TBPL1: variants seen among roughly 807,000 people sequenced by gnomAD.
TBPL1 encodes the protein TATA box-binding protein-like 1.
A neutral mutation model predicts 22.1 loss-of-function variants in TBPL1; 4 were observed. The observed-to-expected ratio is 0.18, with a 90% CI of 0.09 to 0.41. TBPL1 has a LOEUF of 0.41. Among genes scored for constraint, TBPL1 ranks in the 10% least tolerant of loss-of-function variants. The pLI is 1.00. For synonymous variants in TBPL1, 64 were observed against 71.0 expected (o/e 0.90, Z 0.50); for missense variants, 115 against 222.3 (o/e 0.52, Z 3.07).
At position 133,987,840 on chromosome 6, in the gene TBPL1, T is replaced by C. The variant is rs1776560622; in HGVS notation, c.*800T>C. ...GCTAATTTAATATGATAGAAAATGT[T>C]AAATAACTTGTAAAGGTTAAGAAAT... On this transcript the variant is annotated 3_prime_UTR_variant, in exon 7 of 7. Transcript: ENST00000237264. 2 of 152,570 alleles carry C rather than the reference T, an allele frequency of 1.3e-5. No individual in the cohort carries two copies. The highest frequency in any genetic ancestry group is 4.8e-5 in the African/African-American group (2 of 41,446). 9.5% of individuals were successfully genotyped at this position (152,570 alleles called of 1,614,324 possible).
chr6:133,979,978 AAAAT>A, intron 1 of TBPL1, 100 bp from the exon 2 acceptor site: 2 of 938,732 alleles, frequency 2.1e-6, no homozygotes, highest in Non-Finnish European at 2.9e-6. Flanking sequence ...TAACATTTGA[AAAAT>A]AAATAATATA....
Position 133,980,305 on chromosome 6 carries a change from A to G in TBPL1, c.135+45A>G, listed in dbSNP as rs200657837. 3.2e-6 allele frequency: 5 copies of G among 1,547,718 alleles called. No individual in the cohort carries two copies. The East Asian group carries it at 1.2e-4, about 36-fold the overall frequency. ...TATTTGTACTACATAGCCTAATTTTATAGTTCTATGACTAATACTAAAATG... is the reference window on the plus strand; with the variant it reads ...TATTTGTACTACATAGCCTAATTTTGTAGTTCTATGACTAATACTAAAATG... On this transcript the variant is annotated intron_variant, in intron 2 of 6. Coordinates refer to ENST00000237264, the MANE Select transcript of TBPL1 (RefSeq NM_004865.4).
At chr6:133,959,820 A>G (rs1583808480) in intron 1 of TBPL1, among the ~76,000 whole-genome samples, 1 of 152,236 alleles carries the variant, frequency 6.6e-6, no homozygotes, top group African/African-American at 2.4e-5. Flanking sequence ...TTTCAGGGAC[A>G]GATGTTGCTG....
At chr6:133,962,965 A>G (rs1776050038) in intron 1 of TBPL1, among the ~76,000 whole-genome samples, 2 of 152,228 alleles carry the variant, frequency 1.3e-5, no homozygotes, top group African/African-American at 2.4e-5. Context: ...ATCCAGGGAT[A>G]GGACATGGCA....
At chr6:133,959,024 C>T (rs138338195) in intron 1 of TBPL1, among the ~76,000 whole-genome samples, 16 of 152,054 alleles carry the variant, frequency 1.1e-4, no homozygotes, top group Non-Finnish European at 2.1e-4. Context: ...TTTAGATACC[C>T]TGAGGACTGT....
At chr6:133,983,365 G>A (rs1776449917) in intron 4 of TBPL1, among the ~76,000 whole-genome samples, 1 of 152,178 alleles carries the variant, frequency 6.6e-6, no homozygotes, top group Non-Finnish European at 1.5e-5. Context: ...ACATATTATG[G>A]ACTTGCTAGG....
chr6:133,969,437 A>C (rs527899060), intron 1 of TBPL1, among the ~76,000 whole-genome samples: 1 of 152,082 alleles, frequency 6.6e-6, no homozygotes, highest in African/African-American at 2.4e-5. Flanking sequence ...GAATATCTAG[A>C]TTGAGTCTCA....
intron 1 of TBPL1, among the ~76,000 whole-genome samples, chr6:133,972,894 G>T (rs1192532895): frequency 2.0e-5 from 3 of 152,084 alleles, no homozygotes; most frequent in Non-Finnish European, 4.4e-5. Flanking sequence ...GGTACAGGTG[G>T]TATTATCACC....
chr6:133,975,081 A>G (rs920292923), intron 1 of TBPL1, among the ~76,000 whole-genome samples: 1 of 152,174 alleles, frequency 6.6e-6, no homozygotes, highest in African/African-American at 2.4e-5. Flanking sequence ...AAATCTGTGG[A>G]AGGAAGGAAA....
intron 1 of TBPL1, among the ~76,000 whole-genome samples, chr6:133,966,067 A>G (rs973362043): frequency 6.6e-6 from 1 of 152,152 alleles, no homozygotes; most frequent in Non-Finnish European, 1.5e-5. Context: ...AACTTCAGAG[A>G]CAGAGAGAGA....
rs928910051 is a variant in TBPL1, at chr6:133,977,451, T to C, written c.-44-2631T>C. ...TTTTTTCTTGACTTAGTTTTACTTA[T>C]ATTGTCCTTAGTGTTGTCCCCTCAG... is the stretch of plus-strand genomic sequence containing the variant. On this transcript the variant is annotated intron_variant, in intron 1 of 6. Transcript: ENST00000237264. 7.2e-5 allele frequency among the ~76,000 whole-genome samples: 11 copies of C among 152,328 alleles called. No homozygotes were observed. In the East Asian group the frequency reaches 7.7e-4, roughly 11 times the overall value.
intron 1 of TBPL1, chr6:133,969,002 C>T (rs186713269): frequency 1.1e-3 from 165 of 152,210 alleles, no homozygotes; most frequent in African/African-American, 3.7e-3. Flanking sequence ...TTTTAGTATT[C>T]GTCGAAACAG....
At chr6:133,978,835 A>T (rs1776359755) in intron 1 of TBPL1, among the ~76,000 whole-genome samples, 1 of 152,188 alleles carries the variant, frequency 6.6e-6, no homozygotes, top group Non-Finnish European at 1.5e-5. Flanking sequence ...TAGTTATATA[A>T]TAATTTGAAT....
chr6:133,963,785 C>T (rs1172984960), intron 1 of TBPL1, among the ~76,000 whole-genome samples: 1 of 151,490 alleles, frequency 6.6e-6, no homozygotes, highest in Non-Finnish European at 1.5e-5. Context: ...AATCCCAGCA[C>T]TTTGGGAGGC....
intron 1 of TBPL1, among the ~76,000 whole-genome samples, chr6:133,971,918 A>G (rs1332532227): frequency 6.6e-6 from 1 of 152,140 alleles, no homozygotes; most frequent in Admixed American, 6.5e-5. Context: ...GGGCTGTGCA[A>G]AAGCTTTTTA....
At position 133,980,254 on chromosome 6, in the gene TBPL1, T is replaced by C; in HGVS notation, c.129T>C (p.Asp43=). ...GAGCAAATGTAATTTATAAACGTGATGTTGGAGTAAGTATCTGAGTTTTCG... is the reference window on the plus strand; with the variant it reads ...GAGCAAATGTAATTTATAAACGTGACGTTGGAGTAAGTATCTGAGTTTTCG... ...LEGANVIYKR[D]VGKVLMKLRK... is the part of the protein sequence containing the mutation. Residue 43 remains aspartate (D), a synonymous_variant, in exon 2 of 7, where the codon GAT becomes GAC. Coordinates refer to ENST00000237264, the MANE Select transcript of TBPL1 (RefSeq NM_004865.4). The C allele has an allele frequency of 1.2e-6, 2 of 1,604,718 alleles. No individual in the cohort carries two copies. The highest frequency in any genetic ancestry group is 1.7e-6 in the Non-Finnish European group (2 of 1,176,882).
At chr6:133,955,043 T>G (rs1303241613) in intron 1 of TBPL1, among the ~76,000 whole-genome samples, 1 of 152,054 alleles carries the variant, frequency 6.6e-6, no homozygotes, top group Non-Finnish European at 1.5e-5. Context: ...TTTAAGACAT[T>G]AAGAAGAAAA....
Position 133,987,646 on chromosome 6 carries a change from G to GTATATATATATATATATA in TBPL1, c.*607_*608insATATATATATATATATAT, listed in dbSNP as rs1165164380. ...ATTTTGTGTGTGTGTGTGTGTGTGT[G>GTATATATATATATATATA]TGTATATATATATATATATATGCAC... On this transcript the variant is annotated 3_prime_UTR_variant, in exon 7 of 7. Coordinates refer to ENST00000237264, the MANE Select transcript of TBPL1 (RefSeq NM_004865.4). 7.5e-6 allele frequency: 1 copy of GTATATATATATATATATA among 133,214 alleles called. No homozygotes were observed. Among genetic ancestry groups the GTATATATATATATATATA allele is most frequent in the African/African-American group, 2.8e-5 (1 of 36,116 alleles). The allele number at this position is 133,214 out of a possible 1,614,324, so 8.3% of individuals were successfully genotyped here. A position where few individuals can be genotyped will look rare whatever the true frequency, so the allele number is the denominator to read the frequency against.
rs1271775489 is a variant in TBPL1, at chr6:133,985,292, AAAAAAATATATATATATATATATAT to A, written c.481+623_481+647del. ...GACTCTGTCTAAAAAAAAAAAAAAA[AAAAAAATATATATATATATATATAT>A]ATATATATATATATATATATACACA... On this transcript the variant is annotated intron_variant, in intron 6 of 6. Coordinates refer to ENST00000237264, the MANE Select transcript of TBPL1 (RefSeq NM_004865.4). 7.7e-4 allele frequency among the ~76,000 whole-genome samples: 52 copies of A among 67,256 alleles called. 11 individuals are homozygous for A. Among genetic ancestry groups the A allele is most frequent in the Non-Finnish European group, 1.4e-3 (45 of 32,750 alleles). The allele number at this position is 67,256 out of a possible 152,430, so 44.1% of individuals were successfully genotyped here.
Sources: allele counts gnomAD v4.1 joint callset (sites outside exome capture counted in the v4.1 genomes callset), GRCh38; gene constraint gnomAD v4.1.1; transcripts MANE v1.5; gene names NCBI Gene and HGNC (gene_info 2026-07-23, HGNC 2026-07-21).